The following PPP1R16A variants were observed in gnomAD, a reference collection of about 807,000 sequenced individuals.
The protein encoded by PPP1R16A is myosin phosphatase-targeting subunit 3.
In PPP1R16A, 39 loss-of-function variants were observed where a neutral mutation model predicts 46.6. That is an observed-to-expected ratio of 0.84 (90% confidence interval 0.65 to 1.09). The LOEUF (loss-of-function observed/expected upper bound fraction) is 1.09. Among genes scored for constraint, PPP1R16A ranks in the 50% least tolerant of loss-of-function variants. The pLI, the probability that PPP1R16A is intolerant of heterozygous loss-of-function variation, is 0.00. For missense variants in PPP1R16A, 798 were observed against 735.6 expected (o/e 1.08, Z -0.98); for synonymous variants, 413 against 321.5 (o/e 1.28, Z -3.04).
intron 1 of PPP1R16A, among the ~76,000 whole-genome samples, chr8:144,485,877 A>G (rs1298480039): frequency 6.6e-6 from 1 of 152,158 alleles, no homozygotes; most frequent in Non-Finnish European, 1.5e-5. Flanking sequence ...AGCCACTGGT[A>G]TGTTCTCCAT....
intron 1 of PPP1R16A, among the ~76,000 whole-genome samples, chr8:144,482,195 C>G (rs1205241062): frequency 2.0e-5 from 3 of 151,986 alleles, no homozygotes; most frequent in Middle Eastern, 6.8e-3. Context: ...GCCTCAGCCT[C>G]CCAAGTAGCT....
In PPP1R16A at chr8:144,493,861, C is replaced by T. The variant is rs1396643184; in HGVS notation, c.-734-2600C>T. ...GAAGGTGGGCCTGCTAGGGTGGGGC[C>T]AAGTGCCCTGTGAGCCGTGCTGGGT... On this transcript the variant is annotated intron_variant, in intron 2 of 11. Transcript: ENST00000435887. The surrounding 1 kb of genome is among the most constrained non-coding windows in gnomAD (Gnocchi z 4.3). 6.6e-6 allele frequency among the ~76,000 whole-genome samples: 1 copy of T among 151,944 alleles called. No individual in the cohort carries two copies. The highest frequency in any genetic ancestry group is 1.5e-5 in the Non-Finnish European group (1 of 67,936).
intron 1 of PPP1R16A, among the ~76,000 whole-genome samples, chr8:144,483,702 G>A (rs976186740): frequency 3.0e-5 from 4 of 133,888 alleles, no homozygotes; most frequent in Non-Finnish European, 6.6e-5. Flanking sequence ...CACTGCGCCC[G>A]GTCTCTTTTT....
intron 1 of PPP1R16A, among the ~76,000 whole-genome samples, chr8:144,486,214 C>T (rs770045932): frequency 6.6e-5 from 10 of 151,628 alleles, no homozygotes; most frequent in Admixed American, 2.6e-4. Context: ...TGTGATCTCG[C>T]GCCACCACAC....
At chr8:144,498,704 C>T (rs780911409) in intron 3 of PPP1R16A, 66 bp from the exon 4 acceptor site, 62 of 1,477,608 alleles carry the variant, frequency 4.2e-5, no homozygotes, top group Non-Finnish European at 5.4e-5. Flanking sequence ...GGTCCTGGGC[C>T]GAAGCACAGT....
At chr8:144,486,278 C>T (rs1288637422) in intron 1 of PPP1R16A, among the ~76,000 whole-genome samples, 1 of 152,078 alleles carries the variant, frequency 6.6e-6, no homozygotes, top group Non-Finnish European at 1.5e-5. Context: ...GTTAGCCAGG[C>T]TGGTCTTGAA....
rs145067944 is a variant in PPP1R16A at position 144,492,061 on chromosome 8, A to T, written c.-735+1849A>T. ...CCCCAGAGCCAGCTGGAGGGCAGGC[A>T]ATGTGGGGGCGCTGGGCTGGCCCCC... On this transcript the variant is annotated intron_variant, in intron 2 of 11. Transcript: ENST00000435887. Among the ~76,000 whole-genome samples the T allele has an allele frequency of 2.0e-5, 3 of 152,280 alleles. No individual in the cohort carries two copies. The East Asian group carries it at 5.8e-4, about 29-fold the overall frequency.
chr8:144,497,777 C>T (rs537613292), intron 3 of PPP1R16A: 32 of 469,772 alleles, frequency 6.8e-5, no homozygotes, highest in Admixed American at 4.9e-4. Context: ...CGGGGCCCCA[C>T]GGGAGCAGGG....
chr8:144,500,096 T>C lies in PPP1R16A; in HGVS notation c.477T>C (p.Ser159=). ...AGCACCCCGTCCGTCTTCCCTGCAGTGGCGCCAATCTCCTGGCGGTCAACA... is the reference window on the plus strand; with the variant it reads ...AGCACCCCGTCCGTCTTCCCTGCAGCGGCGCCAATCTCCTGGCGGTCAACA... ...HLHLVELLIA[S]GANLLAVNTD... The change falls in exon 6 of 12, where the codon AGT becomes AGC. Residue 159 remains serine (S), a splice_region_variant and synonymous_variant. Coordinates refer to ENST00000435887, the MANE Select transcript of PPP1R16A (RefSeq NM_001329443.2). 6.2e-7 allele frequency: 1 copy of C among 1,607,148 alleles called. No homozygotes were observed. Among genetic ancestry groups the C allele is most frequent in the South Asian group, 1.1e-5 (1 of 89,872 alleles).
chr8:144,500,716 G>A lies in PPP1R16A; in HGVS notation c.862G>A (p.Gly288Arg). ...VPLVELLVAH[G>R]ADLNAKSLMD... is the part of the protein sequence containing the mutation. Reference sequence around the variant, plus strand: ...CCTGGTGGAGCTGCTCGTGGCGCACGGGGCCGACCTGAACGCAAAGTCCCT... The same window carrying A: ...CCTGGTGGAGCTGCTCGTGGCGCACAGGGCCGACCTGAACGCAAAGTCCCT... Residue 288 changes from glycine (G) to arginine (R), a missense_variant, in exon 9 of 12, where the codon GGG becomes AGG. By Grantham distance (125) the Gly-to-Arg change is moderately radical. Coordinates refer to ENST00000435887, the MANE Select transcript of PPP1R16A (RefSeq NM_001329443.2). 2 of 1,611,630 alleles carry A rather than the reference G, an allele frequency of 1.2e-6. No homozygotes were observed. The highest frequency in any genetic ancestry group is 2.2e-5 in the South Asian group (2 of 91,016).
intron 5 of PPP1R16A, chr8:144,499,619 C>T (rs1214739161): frequency 2.7e-5 from 5 of 186,860 alleles, no homozygotes; most frequent in South Asian, 2.5e-4. Flanking sequence ...ACAGGCGCTG[C>T]GGGGCAGGCG....
At chr8:144,481,490 A>G (rs919677633) in intron 1 of PPP1R16A, among the ~76,000 whole-genome samples, 2 of 151,684 alleles carry the variant, frequency 1.3e-5, no homozygotes, top group South Asian at 2.1e-4. Flanking sequence ...TAAAAATACA[A>G]AAAGTTAGCC....
At chr8:144,492,206 G>A (rs868415953) in intron 2 of PPP1R16A, among the ~76,000 whole-genome samples, 7 of 152,290 alleles carry the variant, frequency 4.6e-5, no homozygotes, top group Middle Eastern at 3.4e-3. Context: ...TTCACCCTGC[G>A]ATGTGCGGCC....
chr8:144,499,896 G>A (rs1307241197), intron 5 of PPP1R16A, 200 bp from the exon 6 acceptor site: 1 of 586,828 alleles, frequency 1.7e-6, no homozygotes, highest in Non-Finnish European at 3.0e-6. Flanking sequence ...GATAGAGACT[G>A]CAGGAGGCCT....
Position 144,497,380 on chromosome 8 carries a change from G to A in PPP1R16A, c.186G>A (p.Gly62=). The A allele has an allele frequency of 6.2e-7, 1 of 1,613,050 alleles. No individual in the cohort carries two copies. The highest frequency in any genetic ancestry group is 8.5e-7 in the Non-Finnish European group (1 of 1,180,022). The part of the protein sequence containing the change: ...ERPRKEAASQ[G]LLKQVLFPPS... The stretch of plus-strand genomic sequence containing the variant: ...CCCGGAAGGAGGCAGCCAGCCAAGG[G>A]CTCCTGAAGCAGGTCCTCTTCCCTC... The change falls in exon 3 of 12, where the codon GGG becomes GGA. Residue 62 remains glycine (G), a synonymous_variant. Transcript: ENST00000435887.
Position 144,497,212 on chromosome 8 carries a change from G to A in PPP1R16A, c.18G>A (p.Glu6=), listed in dbSNP as rs1226966834. The A allele has an allele frequency of 6.3e-7, 1 of 1,583,060 alleles. No homozygotes were observed. Among genetic ancestry groups the A allele is most frequent in the African/African-American group, 1.3e-5 (1 of 74,328 alleles). ...CCGCCGCCATGGCCGAGCACCTGGAGCTGCTGGCAGAGATGCCCATGGTGG... is the reference window on the plus strand; with the variant it reads ...CCGCCGCCATGGCCGAGCACCTGGAACTGCTGGCAGAGATGCCCATGGTGG... MAEHL[E]LLAEMPMVGR... The change falls in exon 3 of 12, where the codon GAG becomes GAA. Residue 6 remains glutamate, a synonymous_variant. Transcript: ENST00000435887.
At chr8:144,482,013 G>A (rs1290064458) in intron 1 of PPP1R16A, among the ~76,000 whole-genome samples, 18 of 4,660 alleles carry the variant, frequency 3.9e-3, no homozygotes, top group Admixed American at 0.012. Flanking sequence ...TCCTGACCTC[G>A]TATCCGCCCG....
rs978587580 is a variant in PPP1R16A at position 144,501,397 on chromosome 8, C to T, written c.1203+103C>T. The T allele has an allele frequency of 1.6e-5, 23 of 1,482,552 alleles. No individual in the cohort carries two copies. In the African/African-American group the frequency reaches 2.0e-4, roughly 13 times the overall value. The allele number at this position is 1,482,552 out of a possible 1,614,324, so 91.8% of individuals were successfully genotyped here. Reference sequence around the variant, plus strand: ...CTCCTGCCTGTGTCAGGAATGGTGCCCTGCAGGGGCCAGCTTTTGCCCCAT... The same window carrying T: ...CTCCTGCCTGTGTCAGGAATGGTGCTCTGCAGGGGCCAGCTTTTGCCCCAT... On this transcript the variant is annotated intron_variant, in intron 11 of 11. Coordinates refer to ENST00000435887, the MANE Select transcript of PPP1R16A (RefSeq NM_001329443.2).
chr8:144,500,939 G>A lies in PPP1R16A; in HGVS notation c.1005G>A (p.Leu335=), dbSNP rs1166014000. 6.0e-6 allele frequency: 9 copies of A among 1,505,996 alleles called. No homozygotes were observed. Among genetic ancestry groups the A allele is most frequent in the Non-Finnish European group, 7.9e-6 (9 of 1,133,200 alleles). The allele number at this position is 1,505,996 out of a possible 1,614,324, so 93.3% of individuals were successfully genotyped here. ...CCCAGAGCCGCCAGCGCTCCTTGCT[G>A]CGCCGCCGCACCTCCAGCGCCGGCA... is the stretch of plus-strand genomic sequence containing the variant. ...LRAQSRQRSL[L]RRRTSSAGSR... is the part of the protein sequence containing the mutation. Residue 335 remains leucine, a synonymous_variant, in exon 10 of 12, where the codon CTG becomes CTA. Coordinates refer to ENST00000435887, the MANE Select transcript of PPP1R16A (RefSeq NM_001329443.2).
Sources: allele counts gnomAD v4.1 joint callset (sites outside exome capture counted in the v4.1 genomes callset), GRCh38; gene constraint gnomAD v4.1.1; non-coding constraint Gnocchi (gnomAD v3.1); transcripts MANE v1.5; gene names NCBI Gene and HGNC (gene_info 2026-07-23, HGNC 2026-07-21).